The following BRD10 variants were observed in gnomAD, a reference collection of about 807,000 sequenced individuals.
BRD10 encodes the protein uncharacterized bromodomain-containing protein 10.
At chr9:5,886,930 G>A in the BRD10 span, among the ~76,000 whole-genome samples, 1 of 152,204 alleles carries the variant, frequency 6.6e-6, no homozygotes, top group African/African-American at 2.4e-5. Flanking sequence ...GGATGCCTGT[G>A]AAAGAGCTGG....
chr9:5,983,100 A>C, the BRD10 span, among the ~76,000 whole-genome samples: 8 of 152,320 alleles, frequency 5.3e-5, no homozygotes, highest in African/African-American at 1.7e-4. Flanking sequence ...CCACAAAGTT[A>C]AATCTGACCA....
the BRD10 span, among the ~76,000 whole-genome samples, chr9:5,937,057 CTG>C: frequency 6.6e-6 from 1 of 151,376 alleles, no homozygotes; most frequent in Non-Finnish European, 1.5e-5. Context: ...TAGTGAACCC[CTG>C]TCTCTATTAA....
the BRD10 span, among the ~76,000 whole-genome samples, chr9:5,900,760 T>C: frequency 1.3e-5 from 2 of 152,390 alleles, no homozygotes; most frequent in East Asian, 3.9e-4. Flanking sequence ...GGCTGCTTTT[T>C]GTAGCAACAG....
the BRD10 span, among the ~76,000 whole-genome samples, chr9:5,944,231 T>C: frequency 6.6e-6 from 1 of 152,150 alleles, no homozygotes; most frequent in African/African-American, 2.4e-5. Context: ...GCTAGTTAAA[T>C]AGGTGTTATT....
chr9:5,908,026 T>A, the BRD10 span, among the ~76,000 whole-genome samples: 6 of 152,296 alleles, frequency 3.9e-5, no homozygotes, highest in Non-Finnish European at 1.5e-5. Flanking sequence ...CTAGTACATA[T>A]ACAACACAGC....
At chr9:5,956,512 T>A in the BRD10 span, among the ~76,000 whole-genome samples, 1 of 152,158 alleles carries the variant, frequency 6.6e-6, no homozygotes. Context: ...AGTTTCTTCA[T>A]CTGTAAAACA....
chr9:5,941,136 G>T, the BRD10 span, among the ~76,000 whole-genome samples: 1 of 152,070 alleles, frequency 6.6e-6, no homozygotes, highest in African/African-American at 2.4e-5. Context: ...GAAAAACTTA[G>T]AAATATAAGT....
chr9:5,897,494 G>C, the BRD10 span: 9 of 1,430,222 alleles, frequency 6.3e-6, no homozygotes, highest in East Asian at 2.3e-5. Context: ...ACTGATTTAT[G>C]CTTCATCATA....
chr9:5,920,307 A>C, the BRD10 span: 1 of 1,613,986 alleles, frequency 6.2e-7, no homozygotes, highest in Non-Finnish European at 8.5e-7. Flanking sequence ...GGAACAATAA[A>C]CCGGGTTCCG....
chr9:5,979,329 T>A, the BRD10 span, among the ~76,000 whole-genome samples: 1 of 151,916 alleles, frequency 6.6e-6, no homozygotes, highest in Non-Finnish European at 1.5e-5. Context: ...GCCTGGGAAA[T>A]ATAGTGAGAC....
At chr9:5,941,008 C>T in the BRD10 span, among the ~76,000 whole-genome samples, 1 of 152,002 alleles carries the variant, frequency 6.6e-6, no homozygotes, top group Non-Finnish European at 1.5e-5. Flanking sequence ...TTTCCTCATA[C>T]CCAATCTCTA....
the BRD10 span, among the ~76,000 whole-genome samples, chr9:5,986,466 T>C: frequency 6.6e-6 from 1 of 152,214 alleles, no homozygotes; most frequent in East Asian, 1.9e-4. Context: ...CAGAATGATT[T>C]ATATTCCTTT....
the BRD10 span, among the ~76,000 whole-genome samples, chr9:5,937,447 A>G: frequency 2.0e-5 from 3 of 152,016 alleles, no homozygotes; most frequent in East Asian, 5.8e-4. Context: ...AGGCAGGAGA[A>G]TCGCTTGAAC....
chr9:6,002,982 G>A, the BRD10 span, among the ~76,000 whole-genome samples: 1 of 152,148 alleles, frequency 6.6e-6, no homozygotes, highest in East Asian at 1.9e-4. Flanking sequence ...GCCACACTTG[G>A]CAAAGTATGC....
chr9:5,994,659 T>C, the BRD10 span, among the ~76,000 whole-genome samples: 2 of 152,174 alleles, frequency 1.3e-5, no homozygotes, highest in Admixed American at 1.3e-4. Context: ...ACCTCTTCTC[T>C]TATCTCCCTG....
At chr9:5,944,244 T>C in the BRD10 span, among the ~76,000 whole-genome samples, 1 of 152,154 alleles carries the variant, frequency 6.6e-6, no homozygotes, top group Admixed American at 6.5e-5. Flanking sequence ...GTGTTATTGA[T>C]TTAATAAATA....
At chr9:5,894,203 C>T in the BRD10 span, among the ~76,000 whole-genome samples, 8 of 152,228 alleles carry the variant, frequency 5.3e-5, no homozygotes, top group East Asian at 1.4e-3. The surrounding 1 kb of genome is among the most constrained non-coding windows in gnomAD (Gnocchi z 4.0). Context: ...TTGTCCTTTG[C>T]CATGTAGGGC....
the BRD10 span, chr9:5,920,962 A>T: frequency 2.5e-6 from 4 of 1,613,954 alleles, no homozygotes; most frequent in Non-Finnish European, 3.4e-6. Context: ...CTAAAACAGG[A>T]GGTTGTGCCC....
the BRD10 span, among the ~76,000 whole-genome samples, chr9:5,985,036 A>G: frequency 6.6e-6 from 1 of 152,184 alleles, no homozygotes; most frequent in African/African-American, 2.4e-5. Context: ...AATCAAATCA[A>G]TATAGTGCTA....
Sources: allele counts gnomAD v4.1 joint callset (sites outside exome capture counted in the v4.1 genomes callset), GRCh38; gene constraint gnomAD v4.1.1; non-coding constraint Gnocchi (gnomAD v3.1); transcripts MANE v1.5; gene names NCBI Gene and HGNC (gene_info 2026-07-23, HGNC 2026-07-21).